Variants in RSPO2 observed in about 807,000 individuals in gnomAD.
The protein encoded by RSPO2 is R-spondin 2.
A neutral mutation model predicts 30.9 loss-of-function variants in RSPO2; 14 were observed. The observed-to-expected ratio is 0.45, with a 90% CI of 0.30 to 0.71. The LOEUF (loss-of-function observed/expected upper bound fraction) is 0.71, where lower values mean the gene tolerates loss of function less well. RSPO2 is among the 30% of genes least tolerant of loss of function. RSPO2 has a pLI of 0.08. For synonymous variants in RSPO2, 107 were observed against 96.4 expected (o/e 1.11, Z -0.64); for missense variants, 264 against 301.9 (o/e 0.87, Z 0.93).
intron 3 of RSPO2, chr8:107,983,941 G>C: frequency 9.6e-7 from 1 of 1,043,220 alleles, no homozygotes; most frequent in Non-Finnish European, 1.4e-6. Context: ...AGCTCTCTGA[G>C]GATATTCTGA....
At chr8:107,967,700 G>C (rs1277825128) in intron 3 of RSPO2, among the ~76,000 whole-genome samples, 1 of 152,138 alleles carries the variant, frequency 6.6e-6, no homozygotes, top group Non-Finnish European at 1.5e-5. Context: ...GCCTTAATTA[G>C]TTCAGATAGT....
chr8:107,976,477 G>C (rs868138369), intron 3 of RSPO2, among the ~76,000 whole-genome samples: 4 of 152,144 alleles, frequency 2.6e-5, no homozygotes, highest in Non-Finnish European at 5.9e-5. Flanking sequence ...CTATATCATA[G>C]GATTCTTAGG....
At chr8:108,074,836 A>T (rs547603292) in intron 2 of RSPO2, among the ~76,000 whole-genome samples, 2 of 152,300 alleles carry the variant, frequency 1.3e-5, no homozygotes, top group East Asian at 3.9e-4. Context: ...CCTTCTGTAT[A>T]CGTCAAACAG....
chr8:108,076,616 TA>T lies in RSPO2; in HGVS notation c.94+5928del, dbSNP rs902625588. Among the ~76,000 whole-genome samples the T allele has an allele frequency of 2.6e-5, 4 of 151,696 alleles. No individual in the cohort carries two copies. In the East Asian group the frequency reaches 7.7e-4, roughly 29 times the overall value. ...GCCTTGGCACCCAGAACTCCATGGA[TA>T]AAAAAAGAATATAAGCAGAGGAACA... On this transcript the variant is annotated intron_variant, in intron 2 of 5. Coordinates refer to ENST00000276659, the MANE Select transcript of RSPO2 (RefSeq NM_178565.5).
chr8:107,971,405 G>C (rs1813994484), intron 3 of RSPO2, among the ~76,000 whole-genome samples: 1 of 152,160 alleles, frequency 6.6e-6, no homozygotes, highest in Non-Finnish European at 1.5e-5. Context: ...CTAGCTTTTA[G>C]AGTATCAGTT....
At chr8:107,979,892 T>C (rs1814363131) in intron 3 of RSPO2, among the ~76,000 whole-genome samples, 1 of 152,184 alleles carries the variant, frequency 6.6e-6, no homozygotes, top group Non-Finnish European at 1.5e-5. Flanking sequence ...CCTCTCTGGC[T>C]CTCTGCTCAA....
chr8:108,000,337 T>C (rs1460190829), intron 2 of RSPO2, among the ~76,000 whole-genome samples: 2 of 152,152 alleles, frequency 1.3e-5, no homozygotes, highest in Admixed American at 6.5e-5. Context: ...ACATTTTACC[T>C]TGAAACAAAG....
chr8:108,011,211 G>A (rs1435623684), intron 2 of RSPO2, among the ~76,000 whole-genome samples: 1 of 150,040 alleles, frequency 6.7e-6, no homozygotes, highest in Non-Finnish European at 1.5e-5. Context: ...AAAAGGAAAG[G>A]AAAGGAAAAG....
intron 2 of RSPO2, among the ~76,000 whole-genome samples, chr8:108,041,231 C>A (rs1811748274): frequency 6.8e-6 from 1 of 146,980 alleles, no homozygotes; most frequent in African/African-American, 2.6e-5. Context: ...AAAGAAGAGC[C>A]CTATGATGAT....
chr8:107,955,278 T>G (rs529498747), intron 5 of RSPO2, among the ~76,000 whole-genome samples: 2 of 151,812 alleles, frequency 1.3e-5, no homozygotes, highest in East Asian at 3.9e-4. Context: ...AGATCACCTA[T>G]CCCCCCCTAA....
chr8:108,028,073 G>T (rs1811280733), intron 2 of RSPO2, among the ~76,000 whole-genome samples: 1 of 152,120 alleles, frequency 6.6e-6, no homozygotes, highest in African/African-American at 2.4e-5. Context: ...ACGCTCAAGA[G>T]ACCAACCATC....
At chr8:107,953,497 AG>A (rs1421375800) in intron 5 of RSPO2, among the ~76,000 whole-genome samples, 11 of 152,226 alleles carry the variant, frequency 7.2e-5, no homozygotes, top group African/African-American at 2.2e-4. Flanking sequence ...TGGCGATGGC[AG>A]GGTTGTTTAA....
At chr8:108,080,341 A>G (rs1347451783) in intron 2 of RSPO2, among the ~76,000 whole-genome samples, 3 of 152,058 alleles carry the variant, frequency 2.0e-5, no homozygotes, top group Non-Finnish European at 4.4e-5. Flanking sequence ...TGAGAAGAAG[A>G]AAAAAAGTTT....
At chr8:107,925,618 T>C (rs1467949476) in intron 5 of RSPO2, among the ~76,000 whole-genome samples, 2 of 151,756 alleles carry the variant, frequency 1.3e-5, no homozygotes, top group Admixed American at 6.6e-5. Context: ...TGTGTTCTCA[T>C]TGTTCAATTC....
chr8:107,983,984 C>T (rs1184214516), intron 3 of RSPO2: 5 of 763,770 alleles, frequency 6.5e-6, no homozygotes, highest in Non-Finnish European at 1.1e-5. Context: ...TAGAAGGCCA[C>T]CAAAAGGGGA....
chr8:108,081,796 G>T, intron 2 of RSPO2: 1 of 461,122 alleles, frequency 2.2e-6, no homozygotes, highest in Non-Finnish European at 2.9e-6. Flanking sequence ...GAGAACAGAA[G>T]CCTCCACCGG....
chr8:107,999,470 T>C (rs1328107547), intron 2 of RSPO2, among the ~76,000 whole-genome samples: 1 of 152,186 alleles, frequency 6.6e-6, no homozygotes, highest in East Asian at 1.9e-4. Flanking sequence ...AGTCTTACTG[T>C]GTCGCCCAGG....
chr8:107,997,201 C>T (rs1264327925), intron 2 of RSPO2: 1 of 195,202 alleles, frequency 5.1e-6, no homozygotes, highest in African/African-American at 2.4e-5. Flanking sequence ...AGAACTTCTC[C>T]ATCTACCACA....
intron 5 of RSPO2, among the ~76,000 whole-genome samples, chr8:107,957,382 A>G (rs1158745027): frequency 1.3e-5 from 2 of 152,192 alleles, no homozygotes; most frequent in East Asian, 3.8e-4. Context: ...CAGGGCTCAG[A>G]CCCACATTTC....
Sources: allele counts gnomAD v4.1 joint callset (sites outside exome capture counted in the v4.1 genomes callset), GRCh38; gene constraint gnomAD v4.1.1; transcripts MANE v1.5; gene names NCBI Gene and HGNC (gene_info 2026-07-23, HGNC 2026-07-21).